Variants in PAPPA observed in about 807,000 individuals in gnomAD.
PAPPA encodes the protein pappalysin 1, also known as pappalysin-1.
In PAPPA, 60 loss-of-function variants were observed where a neutral mutation model predicts 164.0. The observed-to-expected ratio is 0.37, with a 90% CI of 0.30 to 0.45. The LOEUF (loss-of-function observed/expected upper bound fraction) is 0.45, where lower values mean the gene tolerates loss of function less well. Among genes scored for constraint, PAPPA ranks in the 20% least tolerant of loss-of-function variants. The probability of loss-of-function intolerance (pLI) is 1.00; values close to 1 mark genes in which losing one functional copy is unlikely to be tolerated. For missense variants in PAPPA, 1,782 were observed against 2,087.3 expected (o/e 0.85, Z 2.85); for synonymous variants, 875 against 814.1 (o/e 1.07, Z -1.27).
intron 19 of PAPPA, among the ~76,000 whole-genome samples, chr9:116,375,660 AC>A (rs1423104902): frequency 1.3e-5 from 2 of 152,086 alleles, no homozygotes; most frequent in Admixed American, 1.3e-4. Flanking sequence ...GAAGAAAGGC[AC>A]CCAATCCAGT....
intron 7 of PAPPA, among the ~76,000 whole-genome samples, chr9:116,239,245 G>A (rs2118754441): frequency 6.6e-6 from 1 of 152,282 alleles, no homozygotes; most frequent in South Asian, 2.1e-4. Flanking sequence ...AAGAAATGTG[G>A]AACATCTCCA....
chr9:116,372,829 C>G (rs1846592864), intron 19 of PAPPA, among the ~76,000 whole-genome samples: 1 of 152,098 alleles, frequency 6.6e-6, no homozygotes, highest in African/African-American at 2.4e-5. Flanking sequence ...TCTATATATG[C>G]CATTTCATTT....
intron 15 of PAPPA, among the ~76,000 whole-genome samples, chr9:116,350,689 T>C (rs1344951520): frequency 3.3e-5 from 5 of 152,198 alleles, no homozygotes; most frequent in Non-Finnish European, 5.9e-5. Context: ...TCCTGTACTT[T>C]ATATACAGCT....
chr9:116,222,008 T>C (rs1277376156), intron 5 of PAPPA, among the ~76,000 whole-genome samples: 1 of 152,198 alleles, frequency 6.6e-6, no homozygotes, highest in Non-Finnish European at 1.5e-5. Context: ...GGAACACCTG[T>C]GCACTGGCAG....
At chr9:116,382,284 C>T (rs553482447) in intron 20 of PAPPA, 111 bp from the exon 21 acceptor site, 50 of 717,200 alleles carry the variant, frequency 7.0e-5, no homozygotes, top group Non-Finnish European at 1.1e-4. Context: ...GCCAGCTAAT[C>T]GTGGAAGGCT....
At chr9:116,257,049 A>G (rs1387255772) in intron 7 of PAPPA, among the ~76,000 whole-genome samples, 1 of 152,006 alleles carries the variant, frequency 6.6e-6, no homozygotes, top group Admixed American at 6.6e-5. Context: ...AAACACAAAT[A>G]AACAAATGAA....
intron 9 of PAPPA, among the ~76,000 whole-genome samples, chr9:116,272,492 G>C (rs1485515567): frequency 6.6e-6 from 1 of 152,336 alleles, no homozygotes; most frequent in Admixed American, 6.5e-5. Context: ...CCAGTAGATT[G>C]TGAGCTCCGT....
chr9:116,353,926 G>A (rs1564238604), intron 17 of PAPPA, 133 bp downstream of exon 17: 2 of 581,318 alleles, frequency 3.4e-6, no homozygotes, highest in Non-Finnish European at 2.9e-6. Context: ...CCGCAATACT[G>A]TTTTTGATTT....
At chr9:116,305,684 A>G (rs1211085682) in intron 10 of PAPPA, among the ~76,000 whole-genome samples, 1 of 152,184 alleles carries the variant, frequency 6.6e-6, no homozygotes, top group African/African-American at 2.4e-5. Flanking sequence ...GAAACTGAGG[A>G]ACACAGTGGC....
rs2118753141 is a variant in PAPPA, at chr9:116,400,378, T to A, written c.*3762T>A. The A allele has an allele frequency of 6.6e-6, 1 of 152,302 alleles. No homozygotes were observed. The highest frequency in any genetic ancestry group is 2.4e-5 in the African/African-American group (1 of 41,572). The allele number at this position is 152,302 out of a possible 1,614,324, so 9.4% of individuals were successfully genotyped here. ...TGGTAGGTCCAGGAAATATGACATT[T>A]TCCCCCTTGATGTGTTATTGTTGTT... On this transcript the variant is annotated 3_prime_UTR_variant, in exon 22 of 22. Transcript: ENST00000328252.
Position 116,154,223 on chromosome 9 carries a change from G to A in PAPPA, c.51G>A (p.Leu17=). ...ACCTGGGGCTGCTGAGCGCCGCGCT[G>A]GGCTGCGGGCTGGCCGAGCGTCCCC... is the stretch of plus-strand genomic sequence containing the variant. ...VLHLGLLSAA[L]GCGLAERPRR... is the part of the protein sequence containing the mutation. The change falls in exon 1 of 22, where the codon CTG becomes CTA. Residue 17 remains leucine, a synonymous_variant. Transcript: ENST00000328252. The surrounding 1 kb of genome is among the most constrained non-coding windows in gnomAD (Gnocchi z 5.2). 6.9e-7 allele frequency: 1 copy of A among 1,447,218 alleles called. No individual in the cohort carries two copies. Among genetic ancestry groups the A allele is most frequent in the South Asian group, 1.2e-5 (1 of 80,552 alleles). The allele number at this position is 1,447,218 out of a possible 1,614,324, so 89.6% of individuals were successfully genotyped here.
At chr9:116,221,277 T>C (rs534830767) in intron 5 of PAPPA, among the ~76,000 whole-genome samples, 1 of 152,322 alleles carries the variant, frequency 6.6e-6, no homozygotes, top group South Asian at 2.1e-4. Flanking sequence ...GCATCTATTT[T>C]GGAATTTTGC....
chr9:116,322,343 G>C (rs1845867606), intron 10 of PAPPA, among the ~76,000 whole-genome samples: 1 of 149,240 alleles, frequency 6.7e-6, no homozygotes, highest in Non-Finnish European at 1.5e-5. Context: ...CTGGTAGGCA[G>C]AGGTTGCAGT....
Position 116,154,312 on chromosome 9 carries a change from G to C in PAPPA, c.140G>C (p.Cys47Ser), listed in dbSNP as rs1843571961. ...PPRPAAGPATCATRAARGRRA... is the reference protein window; with the variant it reads ...PPRPAAGPATSATRAARGRRA... Reference sequence around the variant, plus strand: ...CGCCCCGCCGCCGGCCCGGCCACCTGCGCCACCCGGGCGGCCCGCGGCCGC... The same window carrying C: ...CGCCCCGCCGCCGGCCCGGCCACCTCCGCCACCCGGGCGGCCCGCGGCCGC... Residue 47 changes from cysteine (C) to serine (S), a missense_variant, in exon 1 of 22, where the codon TGC becomes TCC. By Grantham distance (112) the Cys-to-Ser change is moderately radical (BLOSUM62 -1). Around this residue, in one of 2 missense-constraint regions of PAPPA, gnomAD observed 458 missense variants for 430.3 expected, o/e 1.06. Coordinates refer to ENST00000328252, the MANE Select transcript of PAPPA (RefSeq NM_002581.5). This position sits in a 1 kb window ranked among gnomAD's most constrained non-coding sequence, Gnocchi z 5.2. 1 of 904,258 alleles carries C rather than the reference G, an allele frequency of 1.1e-6. No individual in the cohort carries two copies. The highest frequency in any genetic ancestry group is 1.3e-6 in the Non-Finnish European group (1 of 759,214). The allele number at this position is 904,258 out of a possible 1,614,324, so 56.0% of individuals were successfully genotyped here.
At chr9:116,302,013 T>C (rs11791847) in intron 9 of PAPPA, among the ~76,000 whole-genome samples, 15,542 of 152,268 alleles carry the variant, frequency 0.1, 852 homozygotes, top group South Asian at 0.15. Flanking sequence ...TGTGAAATTC[T>C]TTTGTGTCAA....
In PAPPA at chr9:116,220,140, C is replaced by A; in HGVS notation, c.2111+11C>A. Reference sequence around the variant, plus strand: ...CCATTTCTTTGAAAGGTGAGTGTGCCCTGTGTAGTGTTGATCCCTCTCTCT... The same window carrying A: ...CCATTTCTTTGAAAGGTGAGTGTGCACTGTGTAGTGTTGATCCCTCTCTCT... On this transcript the variant is annotated intron_variant, in intron 5 of 21. Transcript: ENST00000328252. 1 of 1,604,878 alleles carries A rather than the reference C, an allele frequency of 6.2e-7. No homozygotes were observed. The highest frequency in any genetic ancestry group is 1.1e-5 in the South Asian group (1 of 90,808).
chr9:116,227,645 T>G lies in PAPPA; in HGVS notation c.2233+93T>G. On this transcript the variant is annotated intron_variant, in intron 6 of 21. Coordinates refer to ENST00000328252, the MANE Select transcript of PAPPA (RefSeq NM_002581.5). Reference sequence around the variant, plus strand: ...GGGGTTTTATTATTTTTATGGGTCTTTGCCATGTATCATTTCATTTGAGTA... The same window carrying G: ...GGGGTTTTATTATTTTTATGGGTCTGTGCCATGTATCATTTCATTTGAGTA... The G allele has an allele frequency of 1.6e-5, 22 of 1,335,610 alleles. No individual in the cohort carries two copies. In the South Asian group the frequency reaches 2.8e-4, roughly 17 times the overall value. 82.7% of individuals were successfully genotyped at this position (1,335,610 alleles called of 1,614,324 possible).
At chr9:116,217,706 C>T (rs1164140989) in intron 4 of PAPPA, among the ~76,000 whole-genome samples, 3 of 152,224 alleles carry the variant, frequency 2.0e-5, no homozygotes, top group South Asian at 2.1e-4. Context: ...TAACATTTAT[C>T]ATGGGGCAGG....
At chr9:116,204,565 C>T (rs1469038215) in intron 2 of PAPPA, among the ~76,000 whole-genome samples, 1 of 152,132 alleles carries the variant, frequency 6.6e-6, no homozygotes, top group African/African-American at 2.4e-5. Flanking sequence ...AGGCATGTGC[C>T]ACCATGCCCA....
Sources: gnomAD v4.1 joint callset for allele counts (sites outside exome capture counted in the v4.1 genomes callset) on GRCh38, gnomAD v4.1.1 for gene constraint, gnomAD v4.1.1 regional missense constraint, Gnocchi (gnomAD v3.1) non-coding constraint, MANE v1.5 for transcripts, NCBI Gene and HGNC (gene_info 2026-07-23, HGNC 2026-07-21) for gene names.